The following MAB21L2 variants were observed in gnomAD, a reference collection of about 807,000 sequenced individuals.
MAB21L2 encodes protein mab-21-like 2.
A neutral mutation model predicts 29.8 loss-of-function variants in MAB21L2; 15 were observed. That is an observed-to-expected ratio of 0.50 (90% CI 0.34 to 0.78). MAB21L2 has a LOEUF of 0.78. Ranked by LOEUF, MAB21L2 falls within the 30% of genes least tolerant of loss-of-function variation. MAB21L2 has a pLI of 0.01. For synonymous variants in MAB21L2, 218 were observed against 210.4 expected, an observed-to-expected ratio of 1.04 and a Z score of -0.31; for missense variants, 321 against 480.1, an observed-to-expected ratio of 0.67 and a Z score of 3.10.
At position 150,583,728 on chromosome 4, in the gene MAB21L2, G is replaced by T. The variant is rs1258769363; in HGVS notation, c.699G>T (p.Gln233His). 3 of 1,613,620 alleles carry T rather than the reference G, an allele frequency of 1.9e-6. No individual in the cohort carries two copies. The South Asian group carries it at 3.3e-5, about 18-fold the overall frequency. Reference protein sequence around the residue: ...SSAESDAWVLQFGEAENRLLM... With the variant: ...SSAESDAWVLHFGEAENRLLM... ...CAGAGAGCGACGCCTGGGTGCTACA[G>T]TTCGGGGAGGCGGAGAACCGCCTGC... Residue 233 changes from glutamine to histidine, a missense_variant, in exon 1 of 1, where the codon CAG becomes CAT. By Grantham distance (24) the Gln-to-His change is conservative. Transcript: ENST00000317605. The surrounding 1 kb of genome is among the most constrained non-coding windows in gnomAD (Gnocchi z 9.8).
Position 150,582,641 on chromosome 4 carries a change from C to CCT in MAB21L2, c.-389_-388insCT, listed in dbSNP as rs1338379272. The stretch of plus-strand genomic sequence containing the variant: ...CCAGATTTCTGGACAATCTCGGCTG[C>CCT]AGACATCTAAGCCTAACCTTTTGGT... On this transcript the variant is annotated 5_prime_UTR_variant, in exon 1 of 1. Transcript: ENST00000317605. 1 of 181,742 alleles carries CCT rather than the reference C, an allele frequency of 5.5e-6. No homozygotes were observed. Among genetic ancestry groups the CCT allele is most frequent in the Admixed American group, 5.5e-5 (1 of 18,134 alleles). 11.3% of individuals were successfully genotyped at this position (181,742 alleles called of 1,614,324 possible). A position where few individuals can be genotyped will look rare whatever the true frequency, so the allele number is the denominator to read the frequency against.
Position 150,584,320 on chromosome 4 carries a change from T to C in MAB21L2, c.*211T>C. The C allele has an allele frequency of 2.1e-6, 1 of 471,462 alleles. No homozygotes were observed. The allele number at this position is 471,462 out of a possible 1,614,324, so 29.2% of individuals were successfully genotyped here. A position where few individuals can be genotyped will look rare whatever the true frequency, so the allele number is the denominator to read the frequency against. On this transcript the variant is annotated 3_prime_UTR_variant, in exon 1 of 1. Transcript: ENST00000317605. ...CATTCTTGCACAAAAGTGATCGTTT[T>C]CTTCCAAACAATGTGAATTTAAAAG...
At position 150,584,431 on chromosome 4, in the gene MAB21L2, C is replaced by A. The variant is rs76666584; in HGVS notation, c.*322C>A. ...AAATCAATGTATAGTAGTTCCCCCCCCTTTTCCTTCTTTCCCCCTATCCTT... is the reference window on the plus strand; with the variant it reads ...AAATCAATGTATAGTAGTTCCCCCCACTTTTCCTTCTTTCCCCCTATCCTT... On this transcript the variant is annotated 3_prime_UTR_variant, in exon 1 of 1. Coordinates refer to ENST00000317605, the MANE Select transcript of MAB21L2 (RefSeq NM_006439.5). 1,100 of 130,488 alleles carry A rather than the reference C, an allele frequency of 8.4e-3. 6 individuals are homozygous for A. The highest frequency in any genetic ancestry group is 0.014 in the Non-Finnish European group (769 of 55,934). The allele number at this position is 130,488 out of a possible 1,614,324, so 8.1% of individuals were successfully genotyped here.
rs774309721 is a variant in MAB21L2 at position 150,583,849 on chromosome 4, A to G, written c.820A>G (p.Met274Val). The change falls in exon 1 of 1, where the codon ATG becomes GTG. Residue 274 changes from methionine (M) to valine (V), a missense_variant. Physicochemically the swap from Met to Val is conservative, Grantham distance 21 (BLOSUM62 1). Coordinates refer to ENST00000317605, the MANE Select transcript of MAB21L2 (RefSeq NM_006439.5). The surrounding 1 kb of genome is among the most constrained non-coding windows in gnomAD (Gnocchi z 9.8). ...CGGCCAGCCGCTCAACAACTACCAC[A>G]TGAAGACGCTGCTGCTGTACGAGTG... is the stretch of plus-strand genomic sequence containing the variant. ...LPGQPLNNYH[M>V]KTLLLYECEK... 1.2e-6 allele frequency: 2 copies of G among 1,614,170 alleles called. No individual in the cohort carries two copies. The highest frequency in any genetic ancestry group is 3.3e-5 in the Admixed American group (2 of 60,022).
rs1400627852 is a variant in MAB21L2, at chr4:150,582,755, A to G, written c.-275A>G. On this transcript the variant is annotated 5_prime_UTR_variant, in exon 1 of 1. Coordinates refer to ENST00000317605, the MANE Select transcript of MAB21L2 (RefSeq NM_006439.5). ...CATCTTTACATATCAAGAGAAAGCA[A>G]AAAGGTTCCAAGAGGTACTTTTCTT... The G allele has an allele frequency of 5.2e-6, 2 of 386,116 alleles. No homozygotes were observed. The highest frequency in any genetic ancestry group is 4.0e-5 in the African/African-American group (2 of 49,406). 23.9% of individuals were successfully genotyped at this position (386,116 alleles called of 1,614,324 possible).
chr4:150,583,089 T>C lies in MAB21L2; in HGVS notation c.60T>C (p.Cys20=). ...YQLNKYYTER[C]QARKAAIAKT... ...TCAATAAGTACTACACTGAGCGCTG[T>C]CAGGCGCGCAAGGCGGCCATCGCCA... The change falls in exon 1 of 1, where the codon TGT becomes TGC. Residue 20 remains cysteine, a synonymous_variant. Transcript: ENST00000317605. The surrounding 1 kb of genome is among the most constrained non-coding windows in gnomAD (Gnocchi z 9.8). 1 of 1,614,086 alleles carries C rather than the reference T, an allele frequency of 6.2e-7. No homozygotes were observed. The highest frequency in any genetic ancestry group is 1.7e-5 in the Admixed American group (1 of 60,026).
chr4:150,583,077 C>T lies in MAB21L2; in HGVS notation c.48C>T (p.Tyr16=), dbSNP rs150635928. 5.5e-5 allele frequency: 88 copies of T among 1,613,692 alleles called. No homozygotes were observed. In the African/African-American group the frequency reaches 6.9e-4, roughly 13 times the overall value. Residue 16 remains tyrosine, a synonymous_variant, in exon 1 of 1, where the codon TAC becomes TAT. Coordinates refer to ENST00000317605, the MANE Select transcript of MAB21L2 (RefSeq NM_006439.5). The surrounding 1 kb of genome is among the most constrained non-coding windows in gnomAD (Gnocchi z 9.8). ...TGGTTTACCAGCTCAATAAGTACTA[C>T]ACTGAGCGCTGTCAGGCGCGCAAGG... The part of the protein sequence containing the change: ...AKLVYQLNKY[Y]TERCQARKAA...
rs759731739 is a variant in MAB21L2 at position 150,583,228 on chromosome 4, G to A, written c.199G>A (p.Glu67Lys). The A allele has an allele frequency of 1.2e-6, 2 of 1,614,178 alleles. No individual in the cohort carries two copies. The highest frequency in any genetic ancestry group is 1.7e-6 in the Non-Finnish European group (2 of 1,180,032). ...SEIDARYEGLEVISPTEFEVV... is the reference protein window; with the variant it reads ...SEIDARYEGLKVISPTEFEVV... Reference sequence around the variant, plus strand: ...GATCGATGCCCGCTACGAGGGGCTCGAGGTCATTTCGCCCACCGAATTTGA... The same window carrying A: ...GATCGATGCCCGCTACGAGGGGCTCAAGGTCATTTCGCCCACCGAATTTGA... Residue 67 changes from glutamate to lysine, a missense_variant, in exon 1 of 1, where the codon GAG becomes AAG. Transcript: ENST00000317605. This position sits in a 1 kb window ranked among gnomAD's most constrained non-coding sequence, Gnocchi z 9.8.
Position 150,583,403 on chromosome 4 carries a change from C to A in MAB21L2, c.374C>A (p.Ala125Glu), listed in dbSNP as rs1220924769. Reference sequence around the variant, plus strand: ...ATCACGGCGTCGGGCTATCTCTCAGCGCGTAAGATCCGCTCGCGTTTCCAG... The same window carrying A: ...ATCACGGCGTCGGGCTATCTCTCAGAGCGTAAGATCCGCTCGCGTTTCCAG... ...EFITASGYLS[A>E]RKIRSRFQTL... The change falls in exon 1 of 1, where the codon GCG (alanine) becomes GAG (glutamate). Residue 125 changes from alanine to glutamate, a missense_variant. Physicochemically the swap from Ala to Glu is moderately radical, Grantham distance 107. Transcript: ENST00000317605. This position sits in a 1 kb window ranked among gnomAD's most constrained non-coding sequence, Gnocchi z 9.8. The A allele has an allele frequency of 6.2e-7, 1 of 1,613,976 alleles. No homozygotes were observed.
Position 150,582,930 on chromosome 4 carries a change from C to T in MAB21L2, c.-100C>T, listed in dbSNP as rs1241228593. ...AAGTAGGGCTTAACGGGGAGCGCAC[C>T]GCCTCTTTCGAAAGCCGCTGGGCCA... On this transcript the variant is annotated 5_prime_UTR_variant, in exon 1 of 1. Coordinates refer to ENST00000317605, the MANE Select transcript of MAB21L2 (RefSeq NM_006439.5). 1 of 1,397,442 alleles carries T rather than the reference C, an allele frequency of 7.2e-7. No individual in the cohort carries two copies. Among genetic ancestry groups the T allele is most frequent in the Non-Finnish European group, 9.7e-7 (1 of 1,031,226 alleles). 86.6% of individuals were successfully genotyped at this position (1,397,442 alleles called of 1,614,324 possible). A position where few individuals can be genotyped will look rare whatever the true frequency, so the allele number is the denominator to read the frequency against.
In MAB21L2 at chr4:150,584,517, A is replaced by G. The variant is rs1771856595; in HGVS notation, c.*408A>G. 1 of 143,666 alleles carries G rather than the reference A, an allele frequency of 7.0e-6. No homozygotes were observed. The highest frequency in any genetic ancestry group is 3.1e-5 in the African/African-American group (1 of 31,958). 8.9% of individuals were successfully genotyped at this position (143,666 alleles called of 1,614,324 possible). ...TGCTTTTGGTTGCCTGAATGTTGTCACCAAGTGAAAAAATTATTTAACTAT... is the reference window on the plus strand; with the variant it reads ...TGCTTTTGGTTGCCTGAATGTTGTCGCCAAGTGAAAAAATTATTTAACTAT... On this transcript the variant is annotated 3_prime_UTR_variant, in exon 1 of 1. Coordinates refer to ENST00000317605, the MANE Select transcript of MAB21L2 (RefSeq NM_006439.5).
In MAB21L2 at chr4:150,583,626, G is replaced by T; in HGVS notation, c.597G>T (p.Arg199=). Residue 199 remains arginine (R), a synonymous_variant, in exon 1 of 1, where the codon CGG becomes CGT. Transcript: ENST00000317605. The surrounding 1 kb of genome is among the most constrained non-coding windows in gnomAD (Gnocchi z 9.8). ...MPHIPWPGPN[R]VAEVKAEGFN... is the part of the protein sequence containing the mutation. ...ACATCCCTTGGCCCGGCCCCAATCG[G>T]GTGGCCGAGGTCAAGGCCGAAGGGT... The T allele has an allele frequency of 6.2e-7, 1 of 1,613,996 alleles. No individual in the cohort carries two copies. The highest frequency in any genetic ancestry group is 8.5e-7 in the Non-Finnish European group (1 of 1,180,024).
In MAB21L2 at chr4:150,582,253, T is replaced by C. The variant is rs1314073624; in HGVS notation, c.-777T>C. The C allele has an allele frequency of 1.3e-5, 2 of 151,132 alleles. No homozygotes were observed. Among genetic ancestry groups the C allele is most frequent in the Non-Finnish European group, 3.0e-5 (2 of 67,786 alleles). 9.4% of individuals were successfully genotyped at this position (151,132 alleles called of 1,614,324 possible). A position where few individuals can be genotyped will look rare whatever the true frequency, so the allele number is the denominator to read the frequency against. On this transcript the variant is annotated 5_prime_UTR_variant, in exon 1 of 1. Transcript: ENST00000317605. ...ATGATTATCAAACAACTTCCAGCGGTTTGCACCTAAAGAAACACAAGGAGA... is the reference window on the plus strand; with the variant it reads ...ATGATTATCAAACAACTTCCAGCGGCTTGCACCTAAAGAAACACAAGGAGA...
rs901092389 is a variant in MAB21L2 at position 150,583,809 on chromosome 4, C to G, written c.780C>G (p.Arg260=). 1 of 1,614,086 alleles carries G rather than the reference C, an allele frequency of 6.2e-7. No homozygotes were observed. The highest frequency in any genetic ancestry group is 8.5e-7 in the Non-Finnish European group (1 of 1,180,054). The stretch of plus-strand genomic sequence containing the variant: ...CAGTGCTGAAGACTCTGCGGGACCG[C>G]CACCTGGAGCTACCCGGCCAGCCGC... ...CLSVLKTLRD[R]HLELPGQPLN... is the part of the protein sequence containing the mutation. The change falls in exon 1 of 1, where the codon CGC becomes CGG. Residue 260 remains arginine (R), a synonymous_variant. Transcript: ENST00000317605. This position sits in a 1 kb window ranked among gnomAD's most constrained non-coding sequence, Gnocchi z 9.8.
Position 150,582,684 on chromosome 4 carries a change from T to G in MAB21L2, c.-346T>G. ...CTTTTGGTATCCTGAGTTTTTTCCC[T>G]CTCCTTCTCCTTCCTCACGCCCACC... is the stretch of plus-strand genomic sequence containing the variant. On this transcript the variant is annotated 5_prime_UTR_variant, in exon 1 of 1. Coordinates refer to ENST00000317605, the MANE Select transcript of MAB21L2 (RefSeq NM_006439.5). The G allele has an allele frequency of 4.6e-6, 1 of 217,160 alleles. No homozygotes were observed. Among genetic ancestry groups the G allele is most frequent in the Non-Finnish European group, 9.1e-6 (1 of 109,378 alleles). 13.5% of individuals were successfully genotyped at this position (217,160 alleles called of 1,614,324 possible). A position where few individuals can be genotyped will look rare whatever the true frequency, so the allele number is the denominator to read the frequency against.
rs587777514 is a variant in MAB21L2, at chr4:150,583,769, G to A, written c.740G>A (p.Arg247Gln). 3.1e-6 allele frequency: 5 copies of A among 1,613,940 alleles called. No individual in the cohort carries two copies. The highest frequency in any genetic ancestry group is 4.2e-6 in the Non-Finnish European group (5 of 1,180,008). The change falls in exon 1 of 1, where the codon CGA becomes CAA. Residue 247 changes from arginine (R) to glutamine (Q), a missense_variant. Physicochemically the swap from Arg to Gln is conservative, Grantham distance 43. Transcript: ENST00000317605. The surrounding 1 kb of genome is among the most constrained non-coding windows in gnomAD (Gnocchi z 9.8). ...AENRLLMGGC[R>Q]NKCLSVLKTL... ...AACCGCCTGCTGATGGGCGGCTGCC[G>A]AAACAAGTGCCTCTCAGTGCTGAAG... is the stretch of plus-strand genomic sequence containing the variant.
In MAB21L2 at chr4:150,584,029, G is replaced by T. The variant is rs543223781; in HGVS notation, c.1000G>T (p.Ala334Ser). The T allele has an allele frequency of 2.5e-6, 4 of 1,612,348 alleles. No homozygotes were observed. In the African/African-American group the frequency reaches 5.3e-5, roughly 21 times the overall value. The part of the protein sequence containing the change: ...LDLFQGKPHS[A>S]LESAAKQTWR... Reference sequence around the variant, plus strand: ...CCTCTTTCAGGGCAAGCCCCATTCGGCCCTGGAGAGCGCTGCCAAGCAGAC... The same window carrying T: ...CCTCTTTCAGGGCAAGCCCCATTCGTCCCTGGAGAGCGCTGCCAAGCAGAC... The change falls in exon 1 of 1, where the codon GCC becomes TCC. Residue 334 changes from alanine to serine, a missense_variant. By Grantham distance (99) the Ala-to-Ser change is moderately conservative. Coordinates refer to ENST00000317605, the MANE Select transcript of MAB21L2 (RefSeq NM_006439.5).
chr4:150,584,091 A>C lies in MAB21L2; in HGVS notation c.1062A>C (p.Lys354Asn). ...RLAREILTNP[K>N]SLDKL is the part of the protein sequence containing the mutation. The stretch of plus-strand genomic sequence containing the variant: ...CCAGGGAAATTCTCACCAATCCCAA[A>C]AGCCTGGACAAACTATAGGGTGCTG... Residue 354 changes from lysine (K) to asparagine (N), a missense_variant, in exon 1 of 1, where the codon AAA becomes AAC. Physicochemically the swap from Lys to Asn is moderately conservative, Grantham distance 94. Coordinates refer to ENST00000317605, the MANE Select transcript of MAB21L2 (RefSeq NM_006439.5). 6.5e-7 allele frequency: 1 copy of C among 1,547,068 alleles called. No individual in the cohort carries two copies. Among genetic ancestry groups the C allele is most frequent in the Non-Finnish European group, 8.7e-7 (1 of 1,147,216 alleles).
rs1171597119 is a variant in MAB21L2 at position 150,583,990 on chromosome 4, C to G, written c.961C>G (p.Leu321Val). The change falls in exon 1 of 1, where the codon CTG becomes GTG. Residue 321 changes from leucine to valine, a missense_variant. Coordinates refer to ENST00000317605, the MANE Select transcript of MAB21L2 (RefSeq NM_006439.5). This position sits in a 1 kb window ranked among gnomAD's most constrained non-coding sequence, Gnocchi z 9.8. ...LQCRRCPHYF[L>V]PNLDLFQGKP... ...GTGCCGCCGCTGCCCTCACTACTTT[C>G]TGCCCAACCTCGACCTCTTTCAGGG... 5.6e-6 allele frequency: 9 copies of G among 1,614,062 alleles called. No individual in the cohort carries two copies. The highest frequency in any genetic ancestry group is 7.6e-6 in the Non-Finnish European group (9 of 1,180,024).
Sources: gnomAD v4.1 joint callset for allele counts on GRCh38, gnomAD v4.1.1 for gene constraint, Gnocchi (gnomAD v3.1) non-coding constraint, MANE v1.5 for transcripts, NCBI Gene and HGNC (gene_info 2026-07-23, HGNC 2026-07-21) for gene names.